ABHD6: variants seen among roughly 807,000 people sequenced by gnomAD.
The protein encoded by ABHD6 is abhydrolase domain containing 6, acylglycerol lipase.
In ABHD6, 33 loss-of-function variants were observed where a neutral mutation model predicts 38.8. That is an observed-to-expected ratio of 0.85 (90% CI 0.64 to 1.14). The LOEUF is 1.14. Ranked by LOEUF, ABHD6 falls within the 50% of genes most tolerant of loss-of-function variation. The pLI, the probability that ABHD6 is intolerant of heterozygous loss-of-function variation, is 0.00. For synonymous variants in ABHD6, 147 were observed against 161.6 expected, an observed-to-expected ratio of 0.91 and a Z score of 0.69; for missense variants, 380 against 422.6, an observed-to-expected ratio of 0.90 and a Z score of 0.88.
intron 7 of ABHD6, among the ~76,000 whole-genome samples, chr3:58,280,751 G>T (rs2097452501): frequency 6.6e-6 from 1 of 152,190 alleles, no homozygotes; most frequent in Non-Finnish European, 1.5e-5. Flanking sequence ...GGTCTTTTAT[G>T]TTGGTGACCT....
intron 1 of ABHD6, among the ~76,000 whole-genome samples, chr3:58,245,409 G>A (rs1173621095): frequency 2.6e-5 from 4 of 151,726 alleles, no homozygotes; most frequent in Non-Finnish European, 4.4e-5. Context: ...CAGGTAATCC[G>A]CCCACCTGGG....
Position 58,285,645 on chromosome 3 carries a change from G to C in ABHD6, c.837+192G>C, listed in dbSNP as rs2097456344. Among the ~76,000 whole-genome samples, 2 of 152,018 alleles carry C rather than the reference G, an allele frequency of 1.3e-5. No individual in the cohort carries two copies. The highest frequency in any genetic ancestry group is 4.2e-4 in the South Asian group (2 of 4,808). On this transcript the variant is annotated intron_variant, in intron 9 of 9. Coordinates refer to ENST00000478253, the MANE Select transcript of ABHD6 (RefSeq NM_001320126.2). The surrounding 1 kb of genome is among the most constrained non-coding windows in gnomAD (Gnocchi z 4.9). ...CTGGGAGTGGAGAGAAACAACATTT[G>C]GTCTGGTAAAAGGAAAGACAATTTT... is the stretch of plus-strand genomic sequence containing the variant.
chr3:58,271,073 T>A lies in ABHD6; in HGVS notation c.523+9T>A. 1 of 1,587,786 alleles carries A rather than the reference T, an allele frequency of 6.3e-7. No individual in the cohort carries two copies. ...TCTCGTGTGTCCTGCTGGTAAGTTA[T>A]GAAGCTGAAACATCCCTCGGCAGGG... On this transcript the variant is annotated intron_variant, in intron 6 of 9. Coordinates refer to ENST00000478253, the MANE Select transcript of ABHD6 (RefSeq NM_001320126.2).
chr3:58,284,312 C>G (rs1394935267), intron 7 of ABHD6, among the ~76,000 whole-genome samples: 2 of 152,118 alleles, frequency 1.3e-5, no homozygotes, highest in African/African-American at 4.8e-5. Flanking sequence ...CTGTGGAACC[C>G]TCCCCAGAAT....
chr3:58,277,994 G>C (rs2097449973), intron 7 of ABHD6, among the ~76,000 whole-genome samples: 1 of 152,116 alleles, frequency 6.6e-6, no homozygotes, highest in Non-Finnish European at 1.5e-5. Flanking sequence ...TTCTGCTGCT[G>C]GATTCGGTTT....
At chr3:58,291,318 G>T (rs1441437967) in intron 9 of ABHD6, among the ~76,000 whole-genome samples, 1 of 152,016 alleles carries the variant, frequency 6.6e-6, no homozygotes, top group Non-Finnish European at 1.5e-5. Flanking sequence ...AGTGAGCCGA[G>T]ATGGCAGCAG....
intron 6 of ABHD6, 111 bp from the exon 7 acceptor site, chr3:58,274,547 A>G: frequency 8.5e-7 from 1 of 1,183,264 alleles, no homozygotes; most frequent in Admixed American, 2.8e-5. Context: ...CTACTCATGA[A>G]ATAAACCTGA....
At position 58,237,811 on chromosome 3, in the gene ABHD6, G is replaced by C. The variant is rs1038688589; in HGVS notation, c.-196G>C. The C allele has an allele frequency of 1.3e-5, 2 of 152,066 alleles. No homozygotes were observed. The highest frequency in any genetic ancestry group is 4.8e-5 in the African/African-American group (2 of 41,424). The allele number at this position is 152,066 out of a possible 1,614,324, so 9.4% of individuals were successfully genotyped here. On this transcript the variant is annotated 5_prime_UTR_variant, in exon 1 of 10. Coordinates refer to ENST00000478253, the MANE Select transcript of ABHD6 (RefSeq NM_001320126.2). ...CCAGCTGGGCTGGGCGCCGGAGCTG[G>C]GAGCGGCGCGGGTAGGAGCCCGGCG...
Position 58,285,174 on chromosome 3 carries a change from C to T in ABHD6, c.736+35C>T. 6.2e-7 allele frequency: 1 copy of T among 1,601,430 alleles called. No homozygotes were observed. The highest frequency in any genetic ancestry group is 8.6e-7 in the Non-Finnish European group (1 of 1,168,436). On this transcript the variant is annotated intron_variant, in intron 8 of 9. Transcript: ENST00000478253. The surrounding 1 kb of genome is among the most constrained non-coding windows in gnomAD (Gnocchi z 4.9). ...CCTACTTTCAGCTTGGAGCTTGTTACAAGTGAAGCTCTGTGGATGGATGGC... is the reference window on the plus strand; with the variant it reads ...CCTACTTTCAGCTTGGAGCTTGTTATAAGTGAAGCTCTGTGGATGGATGGC...
In ABHD6 at chr3:58,285,364, A is replaced by G. The variant is rs760718113; in HGVS notation, c.748A>G (p.Ile250Val). 3.1e-6 allele frequency: 5 copies of G among 1,614,150 alleles called. No homozygotes were observed. The South Asian group carries it at 3.3e-5, about 11-fold the overall frequency. Residue 250 changes from isoleucine (I) to valine (V), a missense_variant, in exon 9 of 10, where the codon ATC (isoleucine) becomes GTC (valine). Coordinates refer to ENST00000478253, the MANE Select transcript of ABHD6 (RefSeq NM_001320126.2). This position sits in a 1 kb window ranked among gnomAD's most constrained non-coding sequence, Gnocchi z 4.9. ...CCTTTTCTGACAAGTGTTTTTGGAA[A>G]TCGTCAGTGAGAAGTCCAGATACTC... The part of the protein sequence containing the change: ...NNFYRKLFLE[I>V]VSEKSRYSLH...
At chr3:58,292,672 T>C (rs1315307418) in intron 9 of ABHD6, among the ~76,000 whole-genome samples, 1 of 151,986 alleles carries the variant, frequency 6.6e-6, no homozygotes, top group Non-Finnish European at 1.5e-5. Context: ...ATCCTAGCAC[T>C]TTGGGAGGCT....
intron 2 of ABHD6, among the ~76,000 whole-genome samples, chr3:58,252,384 T>C (rs2097430645): frequency 1.3e-5 from 2 of 151,888 alleles, no homozygotes; most frequent in African/African-American, 2.4e-5. Flanking sequence ...CGGCTAATTT[T>C]TGTATTTTTT....
Position 58,271,022 on chromosome 3 carries a change from T to TAA in ABHD6, c.482_483insAA (p.Tyr161Ter). ...GGTGGCTGGGGTGTATGCTGCTTAC[T>TAA]ACCCATCGGATGTCTCCAGCCTGTG... ...GQVAGVYAAY[Y>*]PSDVSSLCLV... The change falls in exon 6 of 10, where the codon TAC (tyrosine) becomes TAAAC (stop). Residue 161 changes from tyrosine to a stop codon, truncating the protein, a stop_gained and frameshift_variant. Coordinates refer to ENST00000478253, the MANE Select transcript of ABHD6 (RefSeq NM_001320126.2). LOFTEE classifies it high-confidence loss of function. 2 of 1,612,422 alleles carry TAA rather than the reference T, an allele frequency of 1.2e-6. No homozygotes were observed. Among genetic ancestry groups the TAA allele is most frequent in the Non-Finnish European group, 1.7e-6 (2 of 1,179,556 alleles).
At chr3:58,283,433 C>T (rs1221171706) in intron 7 of ABHD6, among the ~76,000 whole-genome samples, 1 of 152,210 alleles carries the variant, frequency 6.6e-6, no homozygotes, top group African/African-American at 2.4e-5. Context: ...TCTGTGTCTT[C>T]CACTAGGGAC....
chr3:58,287,488 G>C lies in ABHD6; in HGVS notation c.837+2035G>C, dbSNP rs1006376872. ...TAAGAGGCAATGGTGTCTTAGATGA[G>C]CCAGGCATGGTGAGGATTCACAGCA... is the stretch of plus-strand genomic sequence containing the variant. On this transcript the variant is annotated intron_variant, in intron 9 of 9. Coordinates refer to ENST00000478253, the MANE Select transcript of ABHD6 (RefSeq NM_001320126.2). The surrounding 1 kb of genome is among the most constrained non-coding windows in gnomAD (Gnocchi z 4.7). Among the ~76,000 whole-genome samples, 2 of 152,178 alleles carry C rather than the reference G, an allele frequency of 1.3e-5. No homozygotes were observed. Among genetic ancestry groups the C allele is most frequent in the African/African-American group, 4.8e-5 (2 of 41,444 alleles).
intron 9 of ABHD6, among the ~76,000 whole-genome samples, chr3:58,289,042 T>C (rs996786549): frequency 6.6e-6 from 1 of 152,024 alleles, no homozygotes; most frequent in Non-Finnish European, 1.5e-5. Context: ...TGTTTTTTGT[T>C]GGGCAGGGGG....
In ABHD6 at chr3:58,273,947, G is replaced by A. The variant is rs2097446875; in HGVS notation, c.524-711G>A. 6.6e-6 allele frequency among the ~76,000 whole-genome samples: 1 copy of A among 152,170 alleles called. No homozygotes were observed. The highest frequency in any genetic ancestry group is 1.5e-5 in the Non-Finnish European group (1 of 68,030). On this transcript the variant is annotated intron_variant, in intron 6 of 9. Transcript: ENST00000478253. The surrounding 1 kb of genome is among the most constrained non-coding windows in gnomAD (Gnocchi z 4.8). ...CTAAATGCCTAGAAATTTGCTCCATGCTGGAAGTGAAAATTAGTTTTGCCC... is the reference window on the plus strand; with the variant it reads ...CTAAATGCCTAGAAATTTGCTCCATACTGGAAGTGAAAATTAGTTTTGCCC...
At chr3:58,289,967 ACGAGGCGGCTGGCCGGGCGGGGGGC>A (rs2097460628) in intron 9 of ABHD6, among the ~76,000 whole-genome samples, 2 of 136,346 alleles carry the variant, frequency 1.5e-5, no homozygotes, top group South Asian at 4.7e-4. Context: ...CACCTCCCGG[ACGAGGCGGCTGGCCGGGCGGGGGGC>A]TGACCCCCCC....
chr3:58,257,387 C>CAG lies in ABHD6; in HGVS notation c.119+683_119+684dup, dbSNP rs10635733. Among the ~76,000 whole-genome samples the CAG allele has an allele frequency of 0.73, 110,411 of 150,326 alleles. 41,697 individuals are homozygous for CAG. The highest frequency in any genetic ancestry group is 1 in the East Asian group (5,091 of 5,108). The stretch of plus-strand genomic sequence containing the variant: ...TTTTTGTTTGGTTTTTTTTTTGAAA[C>CAG]AGTCTCCCTCTGTCACCTAGGCTGG... On this transcript the variant is annotated intron_variant, in intron 3 of 9. Transcript: ENST00000478253. This position sits in a 1 kb window ranked among gnomAD's most constrained non-coding sequence, Gnocchi z 4.8.
Sources: gnomAD v4.1 joint callset for allele counts (sites outside exome capture counted in the v4.1 genomes callset) on GRCh38, gnomAD v4.1.1 for gene constraint, Gnocchi (gnomAD v3.1) non-coding constraint, MANE v1.5 for transcripts, NCBI Gene and HGNC (gene_info 2026-07-23, HGNC 2026-07-21) for gene names.